CDO1: variants seen among roughly 807,000 people sequenced by gnomAD.
CDO1 encodes the protein cysteine dioxygenase type 1, also known as cysteine dioxygenase, type I.
A neutral mutation model predicts 24.5 loss-of-function variants in CDO1; 19 were observed. The observed-to-expected ratio is 0.77, with a 90% CI of 0.54 to 1.14. The LOEUF (loss-of-function observed/expected upper bound fraction) is 1.14. Ranked by LOEUF, CDO1 falls within the 50% of genes most tolerant of loss-of-function variation. The pLI is 0.00. For missense variants in CDO1, 244 were observed against 244.8 expected, an observed-to-expected ratio of 1.00 and a Z score of 0.02; for synonymous variants, 91 against 87.0, an observed-to-expected ratio of 1.05 and a Z score of -0.26.
At chr5:115,809,437 C>T (rs1483877648) in intron 3 of CDO1, among the ~76,000 whole-genome samples, 3 of 152,070 alleles carry the variant, frequency 2.0e-5, no homozygotes, top group Non-Finnish European at 4.4e-5. Context: ...ATGCTGCCAC[C>T]AAATCGATCA....
chr5:115,816,408 G>A lies in CDO1; in HGVS notation c.-11C>T. The A allele has an allele frequency of 6.2e-7, 1 of 1,611,094 alleles. No homozygotes were observed. Among genetic ancestry groups the A allele is most frequent in the African/African-American group, 1.3e-5 (1 of 75,038 alleles). On this transcript the variant is annotated 5_prime_UTR_variant, in exon 1 of 5. Transcript: ENST00000250535. ...TTCGGTCTGTTCCATCTCGTGGGGA[G>A]CTGGCTGCGCGCGCGTCTCACTGCT...
chr5:115,805,578 A>C (rs1172559062), intron 4 of CDO1, 116 bp from the exon 5 acceptor site: 7 of 853,632 alleles, frequency 8.2e-6, no homozygotes, highest in Non-Finnish European at 1.3e-5. Flanking sequence ...AGGGCAAGGG[A>C]GCCTTGTTGT....
chr5:115,809,848 C>T (rs528197683), intron 3 of CDO1, among the ~76,000 whole-genome samples: 5 of 152,166 alleles, frequency 3.3e-5, no homozygotes, highest in Non-Finnish European at 7.4e-5. Flanking sequence ...AAAAAGAAAC[C>T]AGGTTGATCT....
chr5:115,806,064 G>C (rs1054011611), intron 4 of CDO1, among the ~76,000 whole-genome samples: 8 of 152,170 alleles, frequency 5.3e-5, no homozygotes, highest in African/African-American at 1.9e-4. Context: ...GTAAGTCATG[G>C]CAGTAACAGT....
intron 2 of CDO1, among the ~76,000 whole-genome samples, chr5:115,811,937 T>A (rs1207803101): frequency 6.6e-6 from 1 of 152,178 alleles, no homozygotes; most frequent in Admixed American, 6.5e-5. Flanking sequence ...AAAAAGTTAA[T>A]TGGATTTGAG....
At chr5:115,810,086 T>G (rs1760119818) in intron 3 of CDO1, among the ~76,000 whole-genome samples, 1 of 152,240 alleles carries the variant, frequency 6.6e-6, no homozygotes, top group Non-Finnish European at 1.5e-5. Context: ...CTGAAAGGTG[T>G]GTGAATGCTT....
Position 115,816,535 on chromosome 5 carries a change from A to T in CDO1, c.-138T>A. ...GACACACACGCACAAACCCAGCATT[A>T]GAGTGCCGAAACGTAAGGATGTCGT... On this transcript the variant is annotated 5_prime_UTR_variant, in exon 1 of 5. Coordinates refer to ENST00000250535, the MANE Select transcript of CDO1 (RefSeq NM_001801.3). The T allele has an allele frequency of 1.1e-6, 1 of 926,908 alleles. No homozygotes were observed. Among genetic ancestry groups the T allele is most frequent in the South Asian group, 1.6e-5 (1 of 64,078 alleles). 57.4% of individuals were successfully genotyped at this position (926,908 alleles called of 1,614,324 possible). A position where few individuals can be genotyped will look rare whatever the true frequency, so the allele number is the denominator to read the frequency against.
chr5:115,812,331 G>T (rs73259615), intron 2 of CDO1, among the ~76,000 whole-genome samples: 16,988 of 152,218 alleles, frequency 0.11, 2,993 homozygotes, highest in African/African-American at 0.37. Flanking sequence ...TTTCAAAAGA[G>T]AGTAATACTT....
rs751912991 is a variant in CDO1, at chr5:115,816,348, C to T, written c.50G>A (p.Arg17His). 4 of 1,613,824 alleles carry T rather than the reference C, an allele frequency of 2.5e-6. No homozygotes were observed. The highest frequency in any genetic ancestry group is 2.5e-6 in the Non-Finnish European group (3 of 1,180,022). Residue 17 changes from arginine (R) to histidine (H), a missense_variant, in exon 1 of 5, where the codon CGC becomes CAC. Transcript: ENST00000250535. ...GCCGGCAAAGAGCTGGTGCAGGATG[C>T]GGATCAGATCAGCCAGGGTCCGTGG... Reference protein sequence around the residue: ...LKPRTLADLIRILHQLFAGDE... With the variant: ...LKPRTLADLIHILHQLFAGDE...
At chr5:115,808,163 G>T (rs1388041885) in intron 3 of CDO1, among the ~76,000 whole-genome samples, 2 of 152,056 alleles carry the variant, frequency 1.3e-5, no homozygotes, top group African/African-American at 4.8e-5. Context: ...ATTTTTGGTA[G>T]AGATGGGGTT....
chr5:115,806,941 G>C (rs894427556), intron 3 of CDO1, among the ~76,000 whole-genome samples: 4 of 152,202 alleles, frequency 2.6e-5, no homozygotes, highest in African/African-American at 9.7e-5. Flanking sequence ...CTGGAAATGA[G>C]GGTAAAGATA....
chr5:115,813,245 G>T lies in CDO1; in HGVS notation c.184C>A (p.Leu62Ile). The stretch of plus-strand genomic sequence containing the variant: ...AATTTTCCATTTCCTTGATCCACAA[G>T]ATTTCGGGTATACCTAAAAAAAAAC... ...KFDQYRYTRN[L>I]VDQGNGKFNL... Residue 62 changes from leucine to isoleucine, a missense_variant, in exon 2 of 5, where the codon CTT becomes ATT. Transcript: ENST00000250535. 2 of 1,586,320 alleles carry T rather than the reference G, an allele frequency of 1.3e-6. No individual in the cohort carries two copies. The highest frequency in any genetic ancestry group is 1.7e-6 in the Non-Finnish European group (2 of 1,155,308).
In CDO1 at chr5:115,816,470, G is replaced by A; in HGVS notation, c.-73C>T. Reference sequence around the variant, plus strand: ...GAGGAGCTGAGCGAGCCAAGGAGCTGGGGGCGAGGGAGCCTAACAGCCCGC... The same window carrying A: ...GAGGAGCTGAGCGAGCCAAGGAGCTAGGGGCGAGGGAGCCTAACAGCCCGC... On this transcript the variant is annotated 5_prime_UTR_variant, in exon 1 of 5. Coordinates refer to ENST00000250535, the MANE Select transcript of CDO1 (RefSeq NM_001801.3). The A allele has an allele frequency of 1.3e-6, 2 of 1,546,218 alleles. No individual in the cohort carries two copies. The highest frequency in any genetic ancestry group is 1.1e-5 in the South Asian group (1 of 86,964).
chr5:115,816,093 G>T, intron 1 of CDO1, 135 bp downstream of exon 1: 1 of 578,980 alleles, frequency 1.7e-6, no homozygotes, highest in Non-Finnish European at 2.7e-6. Context: ...CGGCTGGCCA[G>T]CGAGGGGGCG....
chr5:115,814,841 G>C (rs968711592), intron 1 of CDO1, among the ~76,000 whole-genome samples: 1 of 152,142 alleles, frequency 6.6e-6, no homozygotes, highest in African/African-American at 2.4e-5. Context: ...TTCATTGCCT[G>C]CCATTCCTCA....
Position 115,813,262 on chromosome 5 carries a change from A to T in CDO1, c.171-4T>A. On this transcript the variant is annotated splice_region_variant and splice_polypyrimidine_tract_variant and intron_variant, in intron 1 of 4. Coordinates refer to ENST00000250535, the MANE Select transcript of CDO1 (RefSeq NM_001801.3). ...ATCCACAAGATTTCGGGTATACCTA[A>T]AAAAAAACAATATATTCAGAAGTTT... 6.6e-7 allele frequency: 1 copy of T among 1,510,816 alleles called. No homozygotes were observed. The highest frequency in any genetic ancestry group is 2.3e-5 in the East Asian group (1 of 44,346). 93.6% of individuals were successfully genotyped at this position (1,510,816 alleles called of 1,614,324 possible). A position where few individuals can be genotyped will look rare whatever the true frequency, so the allele number is the denominator to read the frequency against.
chr5:115,809,328 A>G (rs936797585), intron 3 of CDO1, among the ~76,000 whole-genome samples: 1 of 152,076 alleles, frequency 6.6e-6, no homozygotes, highest in Non-Finnish European at 1.5e-5. Flanking sequence ...GGTATTTATG[A>G]AGCAGAGTTA....
Position 115,805,375 on chromosome 5 carries a change from T to A in CDO1, c.*58A>T. 3 of 1,507,340 alleles carry A rather than the reference T, an allele frequency of 2.0e-6. No homozygotes were observed. The South Asian group carries it at 3.5e-5, about 17-fold the overall frequency. 93.4% of individuals were successfully genotyped at this position (1,507,340 alleles called of 1,614,324 possible). On this transcript the variant is annotated 3_prime_UTR_variant, in exon 5 of 5. Coordinates refer to ENST00000250535, the MANE Select transcript of CDO1 (RefSeq NM_001801.3). ...GATAGCACGTGGTAGGTAGCCTTTT[T>A]GTCCAAGGCAAACATACAGCGAACC...
rs3797571 is a variant in CDO1 at position 115,811,664 on chromosome 5, G to C, written c.249-349C>G. ...CATATAACTCACTTAAACTGGGCTA[G>C]AATTTGATTATGAAAGTACATTAGA... On this transcript the variant is annotated intron_variant, in intron 2 of 4. Coordinates refer to ENST00000250535, the MANE Select transcript of CDO1 (RefSeq NM_001801.3). Among the ~76,000 whole-genome samples the C allele has an allele frequency of 2.2e-4, 33 of 152,248 alleles. No homozygotes were observed. In the East Asian group the frequency reaches 6.2e-3, roughly 29 times the overall value.
Sources: gnomAD v4.1 joint callset for allele counts (sites outside exome capture counted in the v4.1 genomes callset) on GRCh38, gnomAD v4.1.1 for gene constraint, MANE v1.5 for transcripts, NCBI Gene and HGNC (gene_info 2026-07-23, HGNC 2026-07-21) for gene names.